Variants in PLEC observed in about 807,000 individuals in gnomAD.
PLEC encodes hemidesmosomal protein 1.
Under a neutral mutation model 392.8 loss-of-function variants are expected in PLEC, and 216 were observed. That is an observed-to-expected ratio of 0.55 (90% CI 0.49 to 0.62). The LOEUF (loss-of-function observed/expected upper bound fraction) is 0.62, where lower values mean the gene tolerates loss of function less well. Among genes scored for constraint, PLEC ranks in the 20% least tolerant of loss-of-function variants. PLEC has a pLI of 0.00. For synonymous variants in PLEC, 3,621 were observed against 2,980.6 expected, an observed-to-expected ratio of 1.21 and a Z score of -7.00; for missense variants, 6,863 against 6,563.4, an observed-to-expected ratio of 1.05 and a Z score of -1.58.
At chr8:143,946,674 G>A (rs1203211692) in intron 1 of PLEC, 8 of 230,132 alleles carry the variant, frequency 3.5e-5, no homozygotes, top group Non-Finnish European at 6.0e-5. Flanking sequence ...TTCCTGCCCC[G>A]CCCAGCAGAC....
At chr8:143,954,513 C>G (rs1200370912), upstream of PLEC, among the ~76,000 whole-genome samples, 1 of 152,230 alleles carries the variant, frequency 6.6e-6, no homozygotes, top group Non-Finnish European at 1.5e-5. The surrounding 1 kb of genome is among the most constrained non-coding windows in gnomAD (Gnocchi z 4.6). Context: ...GCCAGCATCT[C>G]CACTGCCGCC....
chr8:143,918,790 G>T lies in PLEC; in HGVS notation c.11031C>A (p.Leu3677=). The change falls in exon 32 of 32, where the codon CTC becomes CTA. Residue 3677 remains leucine (L), a synonymous_variant. Transcript: ENST00000345136. ...GGTAGCACCAGGCGGACTCCGCCTC[G>T]AGAGCCTCACGGAGGCTCCTGGTGC... ...REGTRSLREA[L]EAESAWCYLY... The T allele has an allele frequency of 6.2e-7, 1 of 1,613,132 alleles. No homozygotes were observed. The highest frequency in any genetic ancestry group is 8.5e-7 in the Non-Finnish European group (1 of 1,180,012).
intron 30 of PLEC, 84 bp from the exon 31 acceptor site, chr8:143,925,968 C>A: frequency 7.1e-7 from 1 of 1,402,692 alleles, no homozygotes; most frequent in South Asian, 1.2e-5. Context: ...CGGCACAGTT[C>A]ACTCAGACAG....
intron 12 of PLEC, 87 bp from the exon 13 acceptor site, chr8:143,933,438 C>T (rs1333958826): frequency 1.3e-6 from 2 of 1,519,186 alleles, no homozygotes; most frequent in Non-Finnish European, 1.8e-6. Flanking sequence ...CCCTCAGCCG[C>T]TTCCTCAGCC....
At chr8:143,951,287 G>A (rs566798879), upstream of PLEC, among the ~76,000 whole-genome samples, 2 of 152,142 alleles carry the variant, frequency 1.3e-5, no homozygotes, top group Non-Finnish European at 2.9e-5. Flanking sequence ...GGATCTGAAG[G>A]GGGGTGCTGG....
chr8:143,973,326 G>A lies in PLEC; in HGVS notation c.70+77C>T. The A allele has an allele frequency of 6.6e-7, 1 of 1,512,794 alleles. No individual in the cohort carries two copies. Among genetic ancestry groups the A allele is most frequent in the East Asian group, 2.6e-5 (1 of 38,508 alleles). The allele number at this position is 1,512,794 out of a possible 1,614,324, so 93.7% of individuals were successfully genotyped here. A position where few individuals can be genotyped will look rare whatever the true frequency, so the allele number is the denominator to read the frequency against. ...CGCGCTCGGGCCGGCGATCGGGACCGCCACCGTGGACGACAAGGTGCTCGG... is the reference window on the plus strand; with the variant it reads ...CGCGCTCGGGCCGGCGATCGGGACCACCACCGTGGACGACAAGGTGCTCGG... On this transcript the variant is annotated intron_variant, in intron 1 of 31. Transcript: ENST00000356346. The surrounding 1 kb of genome is among the most constrained non-coding windows in gnomAD (Gnocchi z 5.6).
Position 143,921,886 on chromosome 8 carries a change from G to A in PLEC, c.7935C>T (p.Ser2645=). The A allele has an allele frequency of 1.9e-6, 3 of 1,601,102 alleles. No homozygotes were observed. The highest frequency in any genetic ancestry group is 2.5e-6 in the Non-Finnish European group (3 of 1,179,718). Reference sequence around the variant, plus strand: ...ACACCTTCCGCCGCAGGCCATCGAAGCTGTGCTCCGGCTCTGCCTCTGCCG... The same window carrying A: ...ACACCTTCCGCCGCAGGCCATCGAAACTGTGCTCCGGCTCTGCCTCTGCCG... ...GPAAEAEPEH[S]FDGLRRKVSA... Residue 2645 remains serine, a synonymous_variant, in exon 32 of 32, where the codon AGC becomes AGT. Transcript: ENST00000345136.
intron 1 of PLEC, among the ~76,000 whole-genome samples, chr8:143,938,992 G>A (rs1829824486): frequency 7.4e-6 from 1 of 135,046 alleles, no homozygotes. Flanking sequence ...GTCCCGTCCT[G>A]CAGTCCCCCC....
intron 11 of PLEC, 80 bp downstream of exon 11, chr8:143,934,238 C>G (rs781835688): frequency 1.3e-6 from 2 of 1,599,574 alleles, no homozygotes; most frequent in Non-Finnish European, 8.5e-7. Flanking sequence ...CCGCCGGGGG[C>G]GGGGCGGGGA....
At chr8:143,928,042 C>A (rs1195273749) in intron 25 of PLEC, 50 bp from the exon 26 acceptor site, 2 of 1,543,644 alleles carry the variant, frequency 1.3e-6, no homozygotes, top group South Asian at 2.4e-5. Flanking sequence ...CGAGCAATAG[C>A]CCAAGGGAAT....
At position 143,924,088 on chromosome 8, in the gene PLEC, C is replaced by A. The variant is rs1823988639; in HGVS notation, c.5841G>T (p.Glu1947Asp). The A allele has an allele frequency of 6.3e-7, 1 of 1,598,092 alleles. No individual in the cohort carries two copies. The highest frequency in any genetic ancestry group is 1.1e-5 in the South Asian group (1 of 90,960). ...AAAGKAELEL[E>D]LGRIRSNAED... ...CCGCGTTGCTGCGGATGCGTCCCAGCTCCAGCTCCAGCTCCGCCTTGCCAG... is the reference window on the plus strand; with the variant it reads ...CCGCGTTGCTGCGGATGCGTCCCAGATCCAGCTCCAGCTCCGCCTTGCCAG... The change falls in exon 31 of 32, where the codon GAG (glutamate) becomes GAT (aspartate). Residue 1947 changes from glutamate (E) to aspartate (D), a missense_variant. By Grantham distance (45) the Glu-to-Asp change is conservative. Transcript: ENST00000345136.
At chr8:143,944,716 G>C (rs1261384125) in intron 1 of PLEC, 12 of 1,289,412 alleles carry the variant, frequency 9.3e-6, no homozygotes, top group Non-Finnish European at 1.2e-5. Flanking sequence ...AGGGGTGTGG[G>C]AGGTCACAGG....
intron 5 of PLEC, among the ~76,000 whole-genome samples, chr8:143,936,731 G>A (rs543594863): frequency 6.6e-6 from 1 of 152,328 alleles, no homozygotes; most frequent in East Asian, 1.9e-4. Context: ...GGGAGGCTCT[G>A]GGCCCTGCCC....
Position 143,918,506 on chromosome 8 carries a change from C to T in PLEC, c.11315G>A (p.Arg3772His), listed in dbSNP as rs373965625. Reference sequence around the variant, plus strand: ...GATGGTCTGCTCGGTGTAGGGGTCACGGTAGCCGGTGACCGCCCGCTCAGC... The same window carrying T: ...GATGGTCTGCTCGGTGTAGGGGTCATGGTAGCCGGTGACCGCCCGCTCAGC... ...LSAERAVTGY[R>H]DPYTEQTISL... Residue 3772 changes from arginine to histidine, a missense_variant, in exon 32 of 32, where the codon CGT (arginine) becomes CAT (histidine). Arg to His is a conservative substitution (Grantham distance 29). Transcript: ENST00000345136. 41 of 1,604,668 alleles carry T rather than the reference C, an allele frequency of 2.6e-5. No homozygotes were observed. Among genetic ancestry groups the T allele is most frequent in the South Asian group, 7.7e-5 (7 of 90,426 alleles).
Position 143,939,562 on chromosome 8 carries a change from A to G in PLEC, c.-101T>C. 6.5e-7 allele frequency: 1 copy of G among 1,530,046 alleles called. No homozygotes were observed. The highest frequency in any genetic ancestry group is 2.0e-5 in the Admixed American group (1 of 50,740). The allele number at this position is 1,530,046 out of a possible 1,614,324, so 94.8% of individuals were successfully genotyped here. A position where few individuals can be genotyped will look rare whatever the true frequency, so the allele number is the denominator to read the frequency against. Reference sequence around the variant, plus strand: ...GCAGCTGAAGGCTGGCGGCCCCACGAGACGCTCACTCGGCACAGGCTCAGC... The same window carrying G: ...GCAGCTGAAGGCTGGCGGCCCCACGGGACGCTCACTCGGCACAGGCTCAGC... On this transcript the variant is annotated 5_prime_UTR_variant, in exon 1 of 32. Coordinates refer to ENST00000345136, the MANE Select transcript of PLEC (RefSeq NM_201384.3).
rs1554668205 is a variant in PLEC at position 143,916,199 on chromosome 8, C to T, written c.13622G>A (p.Gly4541Asp). 3 of 1,541,930 alleles carry T rather than the reference C, an allele frequency of 1.9e-6. No homozygotes were observed. The highest frequency in any genetic ancestry group is 2.6e-6 in the Non-Finnish European group (3 of 1,143,556). ...YASGSSASLG[G>D]PESAVA ...GCCTCAGGCCACGGCAGACTCAGGGCCCCCCAGGGAGGCCGAGGACCCCGA... is the reference window on the plus strand; with the variant it reads ...GCCTCAGGCCACGGCAGACTCAGGGTCCCCCAGGGAGGCCGAGGACCCCGA... The change falls in exon 32 of 32, where the codon GGC becomes GAC. Residue 4541 changes from glycine to aspartate, a missense_variant. By Grantham distance (94) the Gly-to-Asp change is moderately conservative (BLOSUM62 -1). Coordinates refer to ENST00000345136, the MANE Select transcript of PLEC (RefSeq NM_201384.3).
At chr8:143,939,820 G>A (rs773001942), upstream of PLEC, among the ~76,000 whole-genome samples, 18 of 77,916 alleles carry the variant, frequency 2.3e-4, no homozygotes, top group Non-Finnish European at 4.8e-4. Flanking sequence ...CTGGGGACAC[G>A]GGGAGCTGGC....
chr8:143,941,503 G>C (rs954033879), upstream of PLEC, among the ~76,000 whole-genome samples: 3 of 152,092 alleles, frequency 2.0e-5, no homozygotes, highest in Admixed American at 6.5e-5. Flanking sequence ...GGCTGGGACC[G>C]GGTGAGGAGA....
In PLEC at chr8:143,925,843, C is replaced by G. The variant is rs1554704302; in HGVS notation, c.4086G>C (p.Leu1362=). 1 of 1,551,146 alleles carries G rather than the reference C, an allele frequency of 6.4e-7. No homozygotes were observed. Residue 1362 remains leucine, a synonymous_variant, in exon 31 of 32, where the codon CTG becomes CTC. Transcript: ENST00000345136. ...TCTCCAGCGCGGCCTCCACCTCGGC[C>G]AGCCGCTCGCGCTCCTCTGCCCGCT... is the stretch of plus-strand genomic sequence containing the variant. ...EQQRAEERER[L]AEVEAALEKQ...
Sources: allele counts gnomAD v4.1 joint callset (sites outside exome capture counted in the v4.1 genomes callset), GRCh38; gene constraint gnomAD v4.1.1; non-coding constraint Gnocchi (gnomAD v3.1); transcripts MANE v1.5; gene names NCBI Gene and HGNC (gene_info 2026-07-23, HGNC 2026-07-21).